Variants in CFAP299 observed in about 807,000 individuals in gnomAD.
CFAP299 encodes the protein cilia and flagella associated protein 299, also known as cilia- and flagella-associated protein 299.
In CFAP299, 21 loss-of-function variants were observed where a neutral mutation model predicts 27.0. The ratio of observed to expected loss-of-function variants is 0.78; its 90% CI spans 0.55 to 1.12. The LOEUF (loss-of-function observed/expected upper bound fraction) is 1.12, where lower values mean the gene tolerates loss of function less well. Ranked by LOEUF, CFAP299 falls within the 50% of genes most tolerant of loss-of-function variation. The pLI, the probability that CFAP299 is intolerant of heterozygous loss-of-function variation, is 0.00. For missense variants in CFAP299, 310 were observed against 276.6 expected (o/e 1.12, Z -0.86); for synonymous variants, 104 against 98.1 (o/e 1.06, Z -0.36).
chr4:80,372,802 G>C (rs566782871), intron 2 of CFAP299, among the ~76,000 whole-genome samples: 1 of 152,260 alleles, frequency 6.6e-6, no homozygotes, highest in East Asian at 1.9e-4. Context: ...GAGGACAGGA[G>C]AATAAACATA....
At chr4:80,691,256 A>G (rs1229046328) in intron 3 of CFAP299, among the ~76,000 whole-genome samples, 1 of 133,784 alleles carries the variant, frequency 7.5e-6, no homozygotes, top group Admixed American at 7.8e-5. Context: ...AGAATTTTAG[A>G]CCAATATCCT....
intron 3 of CFAP299, among the ~76,000 whole-genome samples, chr4:80,597,182 C>T (rs546199582): frequency 1.3e-5 from 2 of 151,866 alleles, no homozygotes; most frequent in African/African-American, 2.4e-5. Context: ...GGTATAAATT[C>T]GGAGCAACTG....
At chr4:80,860,078 T>A (rs545841928) in intron 3 of CFAP299, among the ~76,000 whole-genome samples, 53 of 152,318 alleles carry the variant, frequency 3.5e-4, no homozygotes, top group African/African-American at 1.2e-3. Context: ...CTTTTCACAT[T>A]GTCCCATATT....
chr4:80,912,524 T>A (rs1252188670), intron 4 of CFAP299, among the ~76,000 whole-genome samples: 1 of 152,072 alleles, frequency 6.6e-6, no homozygotes, highest in Non-Finnish European at 1.5e-5. Context: ...TGGGCTACTG[T>A]CTCCCTCATT....
At chr4:80,393,657 G>T (rs945863138) in intron 2 of CFAP299, among the ~76,000 whole-genome samples, 6 of 152,086 alleles carry the variant, frequency 3.9e-5, no homozygotes, top group Non-Finnish European at 8.8e-5. Flanking sequence ...GGGGTAATAG[G>T]CTATACCATA....
At chr4:80,347,610 C>T (rs1459381891) in intron 1 of CFAP299, among the ~76,000 whole-genome samples, 1 of 152,078 alleles carries the variant, frequency 6.6e-6, no homozygotes, top group African/African-American at 2.4e-5. Context: ...AACTACAAAC[C>T]TCTGCTCAAG....
chr4:80,664,549 C>G (rs1186055915), intron 3 of CFAP299, among the ~76,000 whole-genome samples: 1 of 152,116 alleles, frequency 6.6e-6, no homozygotes, highest in Non-Finnish European at 1.5e-5. Context: ...ACTGCCTACT[C>G]AAGCCTCAGT....
intron 3 of CFAP299, among the ~76,000 whole-genome samples, chr4:80,669,928 G>A (rs1450102361): frequency 3.3e-5 from 5 of 150,956 alleles, no homozygotes; most frequent in African/African-American, 1.2e-4. Flanking sequence ...CTAGCAGTCT[G>A]TCGATTTTGT....
At position 80,422,582 on chromosome 4, in the gene CFAP299, G is replaced by A. The variant is rs559412740; in HGVS notation, c.242+59698G>A. On this transcript the variant is annotated intron_variant, in intron 2 of 5. Transcript: ENST00000358105. ...AATTTTATTATTCATTCTATCAGTT[G>A]TTATTAAGTATCTTGGGCCAGGACC... Among the ~76,000 whole-genome samples, 7 of 152,098 alleles carry A rather than the reference G, an allele frequency of 4.6e-5. No homozygotes were observed. The South Asian group carries it at 1.2e-3, about 27-fold the overall frequency.
chr4:80,444,258 A>G (rs969408496), intron 2 of CFAP299, among the ~76,000 whole-genome samples: 3 of 152,218 alleles, frequency 2.0e-5, no homozygotes, highest in African/African-American at 7.2e-5. Context: ...TGGAGGCATC[A>G]TGCTACCTGA....
intron 3 of CFAP299, among the ~76,000 whole-genome samples, chr4:80,815,790 A>G (rs760938770): frequency 2.0e-5 from 3 of 152,052 alleles, no homozygotes; most frequent in Non-Finnish European, 4.4e-5. Flanking sequence ...AATGATATGT[A>G]TATGTACGTA....
At chr4:80,929,575 A>G (rs977515829) in intron 4 of CFAP299, among the ~76,000 whole-genome samples, 1 of 152,140 alleles carries the variant, frequency 6.6e-6, no homozygotes, top group Non-Finnish European at 1.5e-5. Flanking sequence ...TATATTTCCT[A>G]AAATTATCTC....
chr4:80,666,043 A>AATCTCC (rs1384732521), intron 3 of CFAP299, among the ~76,000 whole-genome samples: 5 of 152,162 alleles, frequency 3.3e-5, no homozygotes, highest in Non-Finnish European at 5.9e-5. Context: ...TTCTTTATAA[A>AATCTCC]ATCTCCAGTC....
intron 3 of CFAP299, among the ~76,000 whole-genome samples, chr4:80,630,171 C>T (rs2109944967): frequency 6.6e-6 from 1 of 152,226 alleles, no homozygotes; most frequent in South Asian, 2.1e-4. Context: ...TTGAACTGAC[C>T]TTCCAGAAGA....
chr4:80,937,309 TTTC>T lies in CFAP299; in HGVS notation c.477-7498_477-7496del, dbSNP rs1304622436. 1.9e-3 allele frequency among the ~76,000 whole-genome samples: 250 copies of T among 128,624 alleles called. 3 individuals carry two copies. Among genetic ancestry groups the T allele is most frequent in the African/African-American group, 3.7e-3 (102 of 27,596 alleles). The allele number at this position is 128,624 out of a possible 152,430, so 84.4% of individuals were successfully genotyped here. Reference sequence around the variant, plus strand: ...CATTTTTCTTTTTTCTTTTTTTTTCTTTCTTTTTTTTTTTTTTTTTTTTTTGAG... The same window carrying T: ...CATTTTTCTTTTTTCTTTTTTTTTCTTTTTTTTTTTTTTTTTTTTTTTGAG... On this transcript the variant is annotated intron_variant, in intron 4 of 5. Transcript: ENST00000358105.
chr4:80,887,833 A>C (rs1734048176), intron 4 of CFAP299, among the ~76,000 whole-genome samples: 1 of 152,118 alleles, frequency 6.6e-6, no homozygotes, highest in Admixed American at 6.5e-5. Context: ...TGGGAGGATG[A>C]AGTTAAGGTG....
intron 2 of CFAP299, among the ~76,000 whole-genome samples, chr4:80,464,025 A>G (rs1290403288): frequency 6.6e-6 from 1 of 152,154 alleles, no homozygotes; most frequent in African/African-American, 2.4e-5. Context: ...AGCCAAAATC[A>G]TGTTATTTTT....
chr4:80,826,411 G>T (rs1473420491), intron 3 of CFAP299, among the ~76,000 whole-genome samples: 4 of 151,398 alleles, frequency 2.6e-5, no homozygotes, highest in African/African-American at 9.7e-5. Flanking sequence ...TTCCAATCAA[G>T]AGATTAAAAC....
At chr4:80,706,010 A>G (rs960447512) in intron 3 of CFAP299, among the ~76,000 whole-genome samples, 1 of 151,786 alleles carries the variant, frequency 6.6e-6, no homozygotes, top group Non-Finnish European at 1.5e-5. Flanking sequence ...TACTGCTGCA[A>G]TATTGATTAT....
Sources: allele counts gnomAD v4.1 joint callset (sites outside exome capture counted in the v4.1 genomes callset), GRCh38; gene constraint gnomAD v4.1.1; transcripts MANE v1.5; gene names NCBI Gene and HGNC (gene_info 2026-07-23, HGNC 2026-07-21).